PHF14: variants seen among roughly 807,000 people sequenced by gnomAD.
PHF14 encodes PHD finger protein 14.
In PHF14, 55 loss-of-function variants were observed where a neutral mutation model predicts 117.9. The observed-to-expected ratio is 0.47, with a 90% CI of 0.38 to 0.58. PHF14 has a LOEUF of 0.58. PHF14 is among the 20% of genes least tolerant of loss of function. The pLI, the probability that PHF14 is intolerant of heterozygous loss-of-function variation, is 0.00. For synonymous variants in PHF14, 409 were observed against 368.6 expected, an observed-to-expected ratio of 1.11 and a Z score of -1.26; for missense variants, 978 against 1,122.2, an observed-to-expected ratio of 0.87 and a Z score of 1.84.
At chr7:11,086,677 A>C (rs1218275834) in intron 16 of PHF14, among the ~76,000 whole-genome samples, 2 of 152,186 alleles carry the variant, frequency 1.3e-5, no homozygotes, top group Non-Finnish European at 1.5e-5. Flanking sequence ...TTAATATTTT[A>C]AAAGTTATAA....
At chr7:11,039,347 T>G (rs1235997966) in intron 11 of PHF14, among the ~76,000 whole-genome samples, 2 of 152,134 alleles carry the variant, frequency 1.3e-5, no homozygotes, top group East Asian at 3.9e-4. Flanking sequence ...TTTTTTAAAC[T>G]TTAATGTTAA....
chr7:10,989,931 C>T (rs1351765022), intron 3 of PHF14, among the ~76,000 whole-genome samples: 1 of 152,170 alleles, frequency 6.6e-6, no homozygotes, highest in Non-Finnish European at 1.5e-5. Flanking sequence ...TGTGCCCATC[C>T]TCTCTTTTTA....
chr7:11,065,743 A>G (rs1364951730), intron 16 of PHF14, among the ~76,000 whole-genome samples: 3 of 152,156 alleles, frequency 2.0e-5, no homozygotes, highest in African/African-American at 7.2e-5. Context: ...GTCTTTATCG[A>G]ACTATCAAAT....
intron 17 of PHF14, among the ~76,000 whole-genome samples, chr7:11,152,957 C>T (rs1288255872): frequency 7.2e-5 from 11 of 152,114 alleles, no homozygotes; most frequent in Admixed American, 6.6e-5. Context: ...GTGAGCAGAT[C>T]GGAGAACTCA....
At chr7:11,121,571 C>G (rs914713387) in intron 17 of PHF14, among the ~76,000 whole-genome samples, 1 of 152,024 alleles carries the variant, frequency 6.6e-6, no homozygotes, top group Admixed American at 6.6e-5. Context: ...TTATGGCTTC[C>G]CTTTGGCATA....
chr7:11,053,749 A>G (rs1024292487), intron 14 of PHF14, among the ~76,000 whole-genome samples: 1 of 152,058 alleles, frequency 6.6e-6, no homozygotes, highest in Admixed American at 6.6e-5. Flanking sequence ...GATAAAAGAG[A>G]ACTCTTTAAC....
intron 2 of PHF14, among the ~76,000 whole-genome samples, chr7:10,975,873 G>T (rs766730762): frequency 2.0e-5 from 3 of 152,072 alleles, no homozygotes; most frequent in Non-Finnish European, 4.4e-5. Flanking sequence ...GTTTTCCCTT[G>T]TCTTTTTCCT....
At chr7:11,140,040 C>G (rs116349861) in intron 17 of PHF14, among the ~76,000 whole-genome samples, 50 of 152,116 alleles carry the variant, frequency 3.3e-4, no homozygotes, top group Non-Finnish European at 5.7e-4. Flanking sequence ...CCCTGTAACA[C>G]CTTACACGTT....
chr7:11,093,008 G>C (rs1049988769), intron 16 of PHF14, among the ~76,000 whole-genome samples: 1 of 152,284 alleles, frequency 6.6e-6, no homozygotes, highest in Admixed American at 6.5e-5. Flanking sequence ...ACAGTGATCT[G>C]TTTTCACTAT....
chr7:11,132,162 A>G (rs1208432306), intron 17 of PHF14, among the ~76,000 whole-genome samples: 1 of 151,756 alleles, frequency 6.6e-6, no homozygotes. Flanking sequence ...GTACAATTGC[A>G]TACCTGTAGC....
intron 5 of PHF14, among the ~76,000 whole-genome samples, chr7:11,020,722 C>G (rs554917648): frequency 8.9e-4 from 135 of 152,080 alleles, no homozygotes; most frequent in Middle Eastern, 3.4e-3. Context: ...TTTAGTAAGT[C>G]TTAGTTCTGT....
chr7:11,078,003 T>A (rs541769718), intron 16 of PHF14, among the ~76,000 whole-genome samples: 1 of 152,230 alleles, frequency 6.6e-6, no homozygotes, highest in Non-Finnish European at 1.5e-5. Flanking sequence ...CTTAGACTGA[T>A]CTTTTTCAAG....
At chr7:11,120,416 T>A (rs1787716489) in intron 17 of PHF14, among the ~76,000 whole-genome samples, 1 of 152,032 alleles carries the variant, frequency 6.6e-6, no homozygotes, top group African/African-American at 2.4e-5. Flanking sequence ...TTTTTAAAAG[T>A]AACCTGAAGA....
chr7:10,980,843 G>T (rs1008789923), intron 2 of PHF14, among the ~76,000 whole-genome samples: 1 of 152,122 alleles, frequency 6.6e-6, no homozygotes, highest in Admixed American at 6.5e-5. Context: ...GAGAAATTAT[G>T]AATTCTGAAA....
At chr7:11,057,911 A>G (rs944191796) in intron 14 of PHF14, among the ~76,000 whole-genome samples, 1 of 152,224 alleles carries the variant, frequency 6.6e-6, no homozygotes, top group Non-Finnish European at 1.5e-5. Context: ...GAATGTGTCA[A>G]GATTTGGAAT....
At chr7:11,084,471 AG>A (rs1453800992) in intron 16 of PHF14, among the ~76,000 whole-genome samples, 1 of 148,792 alleles carries the variant, frequency 6.7e-6, no homozygotes, top group Admixed American at 6.8e-5. Flanking sequence ...TTCCCATTCT[AG>A]CTATTATAGG....
chr7:11,017,712 C>G (rs550062562), intron 5 of PHF14, among the ~76,000 whole-genome samples: 79 of 152,112 alleles, frequency 5.2e-4, no homozygotes, highest in Admixed American at 2.0e-3. Flanking sequence ...GTTGTCTCTT[C>G]AGTTTGATGA....
chr7:11,159,945 A>G (rs1788975390), intron 17 of PHF14, among the ~76,000 whole-genome samples: 1 of 152,182 alleles, frequency 6.6e-6, no homozygotes, highest in South Asian at 2.1e-4. Flanking sequence ...TTCAAGAGGT[A>G]CATGGGCAGG....
intron 3 of PHF14, among the ~76,000 whole-genome samples, chr7:10,990,133 A>G (rs936212001): frequency 6.6e-6 from 1 of 152,182 alleles, no homozygotes; most frequent in African/African-American, 2.4e-5. Context: ...TAGTTTGATA[A>G]TGCTGGAATT....
Sources: gnomAD v4.1 joint callset for allele counts (sites outside exome capture counted in the v4.1 genomes callset) on GRCh38, gnomAD v4.1.1 for gene constraint, MANE v1.5 for transcripts, NCBI Gene and HGNC (gene_info 2026-07-23, HGNC 2026-07-21) for gene names.